Variants in EPC2 observed in about 807,000 individuals in gnomAD.
The protein encoded by EPC2 is enhancer of polycomb homolog 2.
A neutral mutation model predicts 92.1 loss-of-function variants in EPC2; 14 were observed. The ratio of observed to expected loss-of-function variants is 0.15; its 90% CI spans 0.10 to 0.24. The LOEUF is 0.24. Among genes scored for constraint, EPC2 ranks in the 10% least tolerant of loss-of-function variants. EPC2 has a pLI of 1.00. For synonymous variants in EPC2, 340 were observed against 334.7 expected (o/e 1.02, Z -0.17); for missense variants, 755 against 971.5 (o/e 0.78, Z 2.96).
At chr2:148,755,431 A>C (rs12473159) in intron 4 of EPC2, among the ~76,000 whole-genome samples, 57 of 152,024 alleles carry the variant, frequency 3.7e-4, no homozygotes, top group Admixed American at 9.8e-4. Flanking sequence ...TACAGGCGTG[A>C]GAAGTAGGGA....
intron 1 of EPC2, among the ~76,000 whole-genome samples, chr2:148,682,809 G>A (rs937198666): frequency 3.9e-5 from 6 of 151,960 alleles, no homozygotes; most frequent in Admixed American, 3.3e-4. Context: ...AGTCCAATAC[G>A]GCCTGAATTT....
chr2:148,723,182 A>G (rs1682418675), intron 2 of EPC2, among the ~76,000 whole-genome samples: 1 of 152,220 alleles, frequency 6.6e-6, no homozygotes, highest in Non-Finnish European at 1.5e-5. Flanking sequence ...TAAAAGTTTA[A>G]GAAAAAAAGC....
At chr2:148,713,131 A>G (rs994879812) in intron 2 of EPC2, among the ~76,000 whole-genome samples, 8 of 152,226 alleles carry the variant, frequency 5.3e-5, no homozygotes, top group African/African-American at 1.7e-4. Flanking sequence ...GTTAGAATGT[A>G]TTTCCTCTAC....
rs564419017 is a variant in EPC2 at position 148,681,566 on chromosome 2, A to G, written c.154-8648A>G. On this transcript the variant is annotated intron_variant, in intron 1 of 13. Coordinates refer to ENST00000258484, the MANE Select transcript of EPC2 (RefSeq NM_015630.4). Reference sequence around the variant, plus strand: ...GATCGACAATAAAAAACATTTTACAAACGTATATGACTGAAATAACTTTTT... The same window carrying G: ...GATCGACAATAAAAAACATTTTACAGACGTATATGACTGAAATAACTTTTT... Among the ~76,000 whole-genome samples the G allele has an allele frequency of 7.2e-5, 11 of 152,288 alleles. 1 individual carries two copies. The South Asian group carries it at 2.1e-3, about 29-fold the overall frequency.
At chr2:148,727,972 A>G (rs1162602619) in intron 2 of EPC2, among the ~76,000 whole-genome samples, 1 of 152,182 alleles carries the variant, frequency 6.6e-6, no homozygotes, top group Non-Finnish European at 1.5e-5. Context: ...TTTCAAGCAC[A>G]TAGGAATTTG....
At chr2:148,762,328 C>T (rs570978118) in intron 5 of EPC2, 5 of 198,236 alleles carry the variant, frequency 2.5e-5, no homozygotes, top group South Asian at 1.1e-4. Flanking sequence ...GAAATGTGTG[C>T]TCTAATATAG....
At chr2:148,697,503 A>G (rs1221813068) in intron 2 of EPC2, among the ~76,000 whole-genome samples, 2 of 152,186 alleles carry the variant, frequency 1.3e-5, no homozygotes, top group Non-Finnish European at 2.9e-5. Flanking sequence ...GGGAACCATG[A>G]GAGTAATACA....
At chr2:148,706,499 C>T (rs528785144) in intron 2 of EPC2, among the ~76,000 whole-genome samples, 2 of 152,090 alleles carry the variant, frequency 1.3e-5, no homozygotes, top group South Asian at 4.2e-4. Context: ...ACAGAGAACA[C>T]CACAAAGATA....
chr2:148,718,720 G>A (rs927782583), intron 2 of EPC2, among the ~76,000 whole-genome samples: 2 of 152,094 alleles, frequency 1.3e-5, no homozygotes, highest in African/African-American at 4.8e-5. Flanking sequence ...GTGTTTTGGG[G>A]ATGATTCTTC....
At chr2:148,669,471 G>A (rs1273412792) in intron 1 of EPC2, among the ~76,000 whole-genome samples, 4 of 152,300 alleles carry the variant, frequency 2.6e-5, no homozygotes, top group South Asian at 2.1e-4. Flanking sequence ...GAGGTCAGGA[G>A]TTTGAGACCA....
chr2:148,645,904 C>A (rs1212880215), intron 1 of EPC2, among the ~76,000 whole-genome samples: 1 of 152,234 alleles, frequency 6.6e-6, no homozygotes, highest in Non-Finnish European at 1.5e-5. Context: ...GCCGGCGTTG[C>A]GTTGTCCTCG....
intron 2 of EPC2, among the ~76,000 whole-genome samples, chr2:148,713,358 A>T (rs1682193742): frequency 1.3e-5 from 2 of 152,226 alleles, no homozygotes; most frequent in South Asian, 4.1e-4. Flanking sequence ...AAAAAAATTT[A>T]TAAATAAGAA....
intron 2 of EPC2, among the ~76,000 whole-genome samples, chr2:148,720,341 C>G (rs1269970353): frequency 6.6e-6 from 1 of 152,204 alleles, no homozygotes; most frequent in Non-Finnish European, 1.5e-5. Context: ...GCTGGCCTCT[C>G]CCCACAGCCT....
At chr2:148,767,797 C>G (rs563258593) in intron 7 of EPC2, among the ~76,000 whole-genome samples, 2 of 152,282 alleles carry the variant, frequency 1.3e-5, no homozygotes, top group African/African-American at 4.8e-5. Flanking sequence ...CTGGAATCTA[C>G]CCCGGGGAAT....
At chr2:148,736,688 T>C (rs1682763228) in intron 2 of EPC2, among the ~76,000 whole-genome samples, 1 of 152,220 alleles carries the variant, frequency 6.6e-6, no homozygotes, top group Non-Finnish European at 1.5e-5. Context: ...TTACTTTTTT[T>C]CCACACTTAC....
At chr2:148,770,661 T>A in intron 8 of EPC2, 131 bp from the exon 9 acceptor site, 1 of 1,047,212 alleles carries the variant, frequency 9.5e-7, no homozygotes, top group Non-Finnish European at 1.3e-6. Context: ...GCCCCACTTT[T>A]ACAGTTTTAT....
intron 1 of EPC2, among the ~76,000 whole-genome samples, chr2:148,679,758 G>T (rs576909054): frequency 6.6e-6 from 1 of 152,194 alleles, no homozygotes; most frequent in African/African-American, 2.4e-5. Context: ...TGATCCTCCT[G>T]ACTCAGCCTC....
rs536968550 is a variant in EPC2 at position 148,678,956 on chromosome 2, G to A, written c.154-11258G>A. Reference sequence around the variant, plus strand: ...GCCAGCACTCTGTCACCTCTCAGCGGGAAGACCACTTGAGCCTAGGAATTT... The same window carrying A: ...GCCAGCACTCTGTCACCTCTCAGCGAGAAGACCACTTGAGCCTAGGAATTT... On this transcript the variant is annotated intron_variant, in intron 1 of 13. Transcript: ENST00000258484. 3.3e-5 allele frequency among the ~76,000 whole-genome samples: 5 copies of A among 152,342 alleles called. No homozygotes were observed. The South Asian group carries it at 1.0e-3, about 32-fold the overall frequency.
At chr2:148,664,996 G>T (rs998260090) in intron 1 of EPC2, among the ~76,000 whole-genome samples, 6 of 152,108 alleles carry the variant, frequency 3.9e-5, no homozygotes, top group Non-Finnish European at 8.8e-5. Context: ...ACTTTAAAAA[G>T]GATCAAACCA....
Sources: gnomAD v4.1 joint callset for allele counts (sites outside exome capture counted in the v4.1 genomes callset) on GRCh38, gnomAD v4.1.1 for gene constraint, MANE v1.5 for transcripts, NCBI Gene and HGNC (gene_info 2026-07-23, HGNC 2026-07-21) for gene names.